PCDH15: variants seen among roughly 807,000 people sequenced by gnomAD.
The protein encoded by PCDH15 is protocadherin-15.
A neutral mutation model predicts 178.5 loss-of-function variants in PCDH15; 129 were observed. That is an observed-to-expected ratio of 0.72 (90% CI 0.63 to 0.84). PCDH15 has a LOEUF of 0.84. Ranked by LOEUF, PCDH15 falls within the 40% of genes least tolerant of loss-of-function variation. The pLI, the probability that PCDH15 is intolerant of heterozygous loss-of-function variation, is 0.00. For synonymous variants in PCDH15, 800 were observed against 732.0 expected, an observed-to-expected ratio of 1.09 and a Z score of -1.50; for missense variants, 2,230 against 2,099.9, an observed-to-expected ratio of 1.06 and a Z score of -1.21.
chr10:54,061,342 G>T (rs1448852050), intron 18 of PCDH15, among the ~76,000 whole-genome samples: 2 of 152,140 alleles, frequency 1.3e-5, no homozygotes, highest in Non-Finnish European at 2.9e-5. Context: ...ATTACACTAA[G>T]TCTTCATATC....
chr10:54,430,382 T>C (rs2135988203), intron 3 of PCDH15, among the ~76,000 whole-genome samples: 1 of 152,234 alleles, frequency 6.6e-6, no homozygotes, highest in South Asian at 2.1e-4. Flanking sequence ...CTTCAGCACA[T>C]GGAACATTCT....
At chr10:54,514,807 T>C (rs926807822) in intron 3 of PCDH15, among the ~76,000 whole-genome samples, 2 of 152,184 alleles carry the variant, frequency 1.3e-5, no homozygotes, top group Non-Finnish European at 2.9e-5. Context: ...CTTTCATACT[T>C]GCTATGCAAT....
At chr10:54,236,238 A>G (rs2054611494) in intron 9 of PCDH15, among the ~76,000 whole-genome samples, 1 of 152,112 alleles carries the variant, frequency 6.6e-6, no homozygotes, top group Non-Finnish European at 1.5e-5. Context: ...AGCATAATCA[A>G]TTTCTCATCA....
intron 2 of PCDH15, among the ~76,000 whole-genome samples, chr10:55,438,202 T>TACACACACACAC (rs71463103): frequency 4.0e-5 from 6 of 149,556 alleles, no homozygotes; most frequent in African/African-American, 1.2e-4. Context: ...GAACATGTTA[T>TACACACACACAC]ACACACACAC....
intron 2 of PCDH15, among the ~76,000 whole-genome samples, chr10:55,076,926 G>A (rs1055735835): frequency 2.6e-5 from 4 of 151,320 alleles, no homozygotes; most frequent in African/African-American, 7.3e-5. Flanking sequence ...CTGCCACCAC[G>A]ACTGGCTAAT....
intron 2 of PCDH15, among the ~76,000 whole-genome samples, chr10:55,162,387 T>C (rs1839089533): frequency 6.6e-6 from 1 of 152,146 alleles, no homozygotes; most frequent in Non-Finnish European, 1.5e-5. Flanking sequence ...TTTCCAGAAG[T>C]TTTAGAATTG....
At chr10:54,747,115 A>T (rs1259902709) in intron 1 of PCDH15, among the ~76,000 whole-genome samples, 1 of 152,232 alleles carries the variant, frequency 6.6e-6, no homozygotes, top group Non-Finnish European at 1.5e-5. Context: ...CTTAGCACAT[A>T]CCACATTTCC....
chr10:54,611,970 AAAAC>A (rs1417757431), intron 2 of PCDH15, among the ~76,000 whole-genome samples: 1 of 151,898 alleles, frequency 6.6e-6, no homozygotes, highest in Admixed American at 6.6e-5. Context: ...AATAAATACA[AAAAC>A]AAACACAACA....
intron 10 of PCDH15, among the ~76,000 whole-genome samples, chr10:54,198,866 T>G (rs540880533): frequency 3.9e-5 from 6 of 152,086 alleles, no homozygotes; most frequent in African/African-American, 1.2e-4. Context: ...CTTTCCCCGA[T>G]GAACACACCC....
chr10:54,380,731 T>C (rs7076191), intron 3 of PCDH15, among the ~76,000 whole-genome samples: 27,537 of 51,642 alleles, frequency 0.53, 9,495 homozygotes, highest in East Asian at 0.95. Flanking sequence ...TATATATATA[T>C]ATATATATAT....
chr10:54,483,373 ATTTT>A (rs2078860175), intron 3 of PCDH15, among the ~76,000 whole-genome samples: 1 of 151,686 alleles, frequency 6.6e-6, no homozygotes, highest in Non-Finnish European at 1.5e-5. Flanking sequence ...TGCTTTATTT[ATTTT>A]ATTTATTTTA....
chr10:54,625,561 C>T (rs1012679134), intron 2 of PCDH15, among the ~76,000 whole-genome samples: 5 of 152,182 alleles, frequency 3.3e-5, no homozygotes, highest in African/African-American at 1.2e-4. Context: ...TTTGCCTGCA[C>T]AAGCTCTCTC....
chr10:55,383,148 A>AG (rs1837576842), intron 2 of PCDH15, among the ~76,000 whole-genome samples: 1 of 152,108 alleles, frequency 6.6e-6, no homozygotes, highest in Non-Finnish European at 1.5e-5. Flanking sequence ...GGAGCTGGAA[A>AG]GGGGATGGTA....
chr10:55,490,642 A>C (rs1012537564), intron 2 of PCDH15, among the ~76,000 whole-genome samples: 2 of 151,760 alleles, frequency 1.3e-5, no homozygotes, highest in African/African-American at 4.8e-5. Flanking sequence ...CATTGAAAAC[A>C]ATTAAGTTGA....
intron 2 of PCDH15, among the ~76,000 whole-genome samples, chr10:55,566,473 A>T (rs1034985073): frequency 2.0e-5 from 3 of 151,770 alleles, no homozygotes; most frequent in African/African-American, 7.2e-5. Flanking sequence ...AAAAAATATG[A>T]AAGGAAAAGA....
chr10:55,608,187 C>T (rs537791127), intron 2 of PCDH15, among the ~76,000 whole-genome samples: 5 of 150,412 alleles, frequency 3.3e-5, no homozygotes, highest in South Asian at 2.1e-4. Context: ...AGAGACACAG[C>T]GAGTGACTAT....
At chr10:53,954,852 A>G (rs191043376) in intron 23 of PCDH15, among the ~76,000 whole-genome samples, 4 of 152,346 alleles carry the variant, frequency 2.6e-5, no homozygotes, top group African/African-American at 7.2e-5. Context: ...GCATATTTAA[A>G]TGTAAAAATG....
intron 2 of PCDH15, among the ~76,000 whole-genome samples, chr10:55,389,703 A>T (rs1837747613): frequency 6.6e-6 from 1 of 151,972 alleles, no homozygotes; most frequent in African/African-American, 2.4e-5. Flanking sequence ...ACCTACAAAA[A>T]CCTCTTGAAC....
intron 2 of PCDH15, among the ~76,000 whole-genome samples, chr10:55,400,427 T>A (rs180867420): frequency 6.6e-6 from 1 of 152,156 alleles, no homozygotes; most frequent in Non-Finnish European, 1.5e-5. Context: ...TAACCTAGCA[T>A]GCATTCTAAC....
Sources: allele counts gnomAD v4.1 joint callset (sites outside exome capture counted in the v4.1 genomes callset), GRCh38; gene constraint gnomAD v4.1.1; transcripts MANE v1.5; gene names NCBI Gene and HGNC (gene_info 2026-07-23, HGNC 2026-07-21).